Variants in ADIPOR2 observed in about 807,000 individuals in gnomAD.
ADIPOR2 encodes the protein adiponectin receptor 2, also known as adiponectin receptor protein 2.
ADIPOR2 carries 18 observed loss-of-function variants against 40.9 expected under a neutral mutation model. That is an observed-to-expected ratio of 0.44 (90% CI 0.30 to 0.65). The LOEUF (loss-of-function observed/expected upper bound fraction) is 0.65. Ranked by LOEUF, ADIPOR2 falls within the 30% of genes least tolerant of loss-of-function variation. The probability of loss-of-function intolerance (pLI) is 0.09; values close to 1 mark genes in which losing one functional copy is unlikely to be tolerated. For missense variants in ADIPOR2, 283 were observed against 479.2 expected, an observed-to-expected ratio of 0.59 and a Z score of 3.82; for synonymous variants, 165 against 166.4, an observed-to-expected ratio of 0.99 and a Z score of 0.06.
At chr12:1,701,544 G>A (rs2094650263) in intron 1 of ADIPOR2, among the ~76,000 whole-genome samples, 1 of 151,962 alleles carries the variant, frequency 6.6e-6, no homozygotes, top group Non-Finnish European at 1.5e-5. Flanking sequence ...TCTATAATTT[G>A]TCTTTCATGA....
intron 3 of ADIPOR2, 100 bp from the exon 4 acceptor site, chr12:1,777,754 C>T: frequency 9.0e-7 from 1 of 1,113,608 alleles, no homozygotes; most frequent in Non-Finnish European, 1.3e-6. Context: ...AATTGTTTTT[C>T]CCATTATAAA....
chr12:1,698,206 T>TTGTG (rs35927419), intron 1 of ADIPOR2, among the ~76,000 whole-genome samples: 180 of 148,208 alleles, frequency 1.2e-3, no homozygotes, highest in African/African-American at 2.8e-3. Flanking sequence ...TCTTGGCTGA[T>TTGTG]TGTGTGTGTG....
intron 3 of ADIPOR2, among the ~76,000 whole-genome samples, chr12:1,775,268 G>A (rs1021865168): frequency 6.6e-5 from 10 of 152,218 alleles, no homozygotes; most frequent in Non-Finnish European, 1.3e-4. Flanking sequence ...TGGCTAAGCC[G>A]TGATCTTATT....
At chr12:1,734,781 A>G (rs1218508065) in intron 1 of ADIPOR2, among the ~76,000 whole-genome samples, 2 of 152,284 alleles carry the variant, frequency 1.3e-5, no homozygotes, top group African/African-American at 4.8e-5. Flanking sequence ...ATTTTTGTAT[A>G]AGGTGTAAGG....
chr12:1,738,595 T>A (rs1245276069), intron 1 of ADIPOR2, among the ~76,000 whole-genome samples: 2 of 152,198 alleles, frequency 1.3e-5, no homozygotes, highest in African/African-American at 4.8e-5. Flanking sequence ...TTAAATGAAT[T>A]CTCCAGCCAG....
intron 1 of ADIPOR2, chr12:1,730,899 C>T (rs1166036484): frequency 6.6e-6 from 1 of 152,076 alleles, no homozygotes; most frequent in East Asian, 1.9e-4. Context: ...AAGTTATCAG[C>T]TCTCTTATAT....
At chr12:1,710,459 C>A (rs546408847) in intron 1 of ADIPOR2, among the ~76,000 whole-genome samples, 1 of 152,130 alleles carries the variant, frequency 6.6e-6, no homozygotes, top group Non-Finnish European at 1.5e-5. Flanking sequence ...ACCATTGGAC[C>A]CCTTTTGCTT....
At chr12:1,781,383 A>G (rs560890211) in intron 6 of ADIPOR2, among the ~76,000 whole-genome samples, 35 of 152,330 alleles carry the variant, frequency 2.3e-4, no homozygotes, top group Admixed American at 4.6e-4. Flanking sequence ...GCGGTAGTCT[A>G]TAACTTTTGT....
intron 3 of ADIPOR2, among the ~76,000 whole-genome samples, chr12:1,775,943 A>G (rs1862584336): frequency 6.6e-6 from 1 of 152,210 alleles, no homozygotes. Context: ...GCAGATGTTA[A>G]AAATATAGAT....
chr12:1,706,904 T>G (rs1425063034), intron 1 of ADIPOR2, among the ~76,000 whole-genome samples: 2 of 152,084 alleles, frequency 1.3e-5, no homozygotes, highest in Non-Finnish European at 2.9e-5. Flanking sequence ...GGTGGGAGGA[T>G]CTCTTGAGCC....
At chr12:1,711,187 A>C (rs904648855) in intron 1 of ADIPOR2, among the ~76,000 whole-genome samples, 1 of 152,146 alleles carries the variant, frequency 6.6e-6, no homozygotes, top group Non-Finnish European at 1.5e-5. Context: ...GCTGCCAAAG[A>C]GTCTATCTGG....
chr12:1,707,782 T>C (rs2094666484), intron 1 of ADIPOR2, among the ~76,000 whole-genome samples: 1 of 152,196 alleles, frequency 6.6e-6, no homozygotes, highest in Non-Finnish European at 1.5e-5. Flanking sequence ...CTTATTTGCA[T>C]TTTTCTGATA....
At chr12:1,766,957 A>G (rs149287838) in intron 2 of ADIPOR2, among the ~76,000 whole-genome samples, 1 of 152,202 alleles carries the variant, frequency 6.6e-6, no homozygotes, top group Admixed American at 6.5e-5. Context: ...TTCATGGAGA[A>G]GCCTGCTTAA....
chr12:1,764,295 C>T (rs2154443879), intron 2 of ADIPOR2, among the ~76,000 whole-genome samples: 1 of 152,170 alleles, frequency 6.6e-6, no homozygotes, highest in Admixed American at 6.5e-5. Context: ...ATAAATCAAT[C>T]CAGTTAGGTA....
intron 1 of ADIPOR2, among the ~76,000 whole-genome samples, chr12:1,694,101 CTGTGAG>C (rs1217053412): frequency 6.6e-6 from 1 of 152,182 alleles, no homozygotes. Context: ...TGTGGCAGCT[CTGTGAG>C]TGTATACTAT....
rs202231039 is a variant in ADIPOR2, at chr12:1,728,048, AT to A, written c.-86-26207del. Reference sequence around the variant, plus strand: ...AAATTTGTGTAGGATTTCCACATCTATTTATGGGCTCAGAACACTTTCTAGT... The same window carrying A: ...AAATTTGTGTAGGATTTCCACATCTATTATGGGCTCAGAACACTTTCTAGT... On this transcript the variant is annotated intron_variant, in intron 1 of 7. Coordinates refer to ENST00000357103, the MANE Select transcript of ADIPOR2 (RefSeq NM_024551.3). Among the ~76,000 whole-genome samples the A allele has an allele frequency of 3.6e-3, 546 of 151,958 alleles. 2 individuals carry two copies. The highest frequency in any genetic ancestry group is 0.012 in the African/African-American group (516 of 41,470).
chr12:1,780,634 C>G lies in ADIPOR2; in HGVS notation c.647C>G (p.Ser216Cys). Residue 216 changes from serine (S) to cysteine (C), a missense_variant, in exon 5 of 8, where the codon TCT becomes TGT. Ser to Cys is a moderately radical substitution (Grantham distance 112). Transcript: ENST00000357103. ...TCAGAGGGGGTCTCTCGGCTCTTCT[C>G]TAAGTAAGTATCTGTAAAGTCCGTA... ...CHSEGVSRLFSKLDYSGIALL... is the reference protein window; with the variant it reads ...CHSEGVSRLFCKLDYSGIALL... The G allele has an allele frequency of 6.3e-7, 1 of 1,586,594 alleles. No individual in the cohort carries two copies. The highest frequency in any genetic ancestry group is 8.5e-7 in the Non-Finnish European group (1 of 1,170,736).
chr12:1,759,546 A>C (rs572975695), intron 2 of ADIPOR2, among the ~76,000 whole-genome samples: 8 of 152,202 alleles, frequency 5.3e-5, no homozygotes, highest in Non-Finnish European at 7.3e-5. Flanking sequence ...CTTTTTGTAC[A>C]AGTCTTTATT....
chr12:1,729,988 T>TCCCTC, intron 1 of ADIPOR2, among the ~76,000 whole-genome samples: 1 of 152,090 alleles, frequency 6.6e-6, no homozygotes, highest in Non-Finnish European at 1.5e-5. Context: ...AACGAAGGCA[T>TCCCTC]ACCGGAAGGG....
Sources: gnomAD v4.1 joint callset for allele counts (sites outside exome capture counted in the v4.1 genomes callset) on GRCh38, gnomAD v4.1.1 for gene constraint, MANE v1.5 for transcripts, NCBI Gene and HGNC (gene_info 2026-07-23, HGNC 2026-07-21) for gene names.